The following GLOD5 variants were observed in gnomAD, a reference collection of about 807,000 sequenced individuals.
GLOD5 encodes the protein glyoxalase domain-containing protein 5.
In GLOD5, 7 loss-of-function variants were observed where a neutral mutation model predicts 9.9. The ratio of observed to expected loss-of-function variants is 0.71; its 90% CI spans 0.40 to 1.33. The LOEUF (loss-of-function observed/expected upper bound fraction) is 1.33. Ranked by LOEUF, GLOD5 falls within the 40% of genes most tolerant of loss-of-function variation. The pLI, the probability that GLOD5 is intolerant of heterozygous loss-of-function variation, is 0.01. For missense variants in GLOD5, 146 were observed against 128.4 expected, an observed-to-expected ratio of 1.14 and a Z score of -0.66; for synonymous variants, 49 against 47.3, an observed-to-expected ratio of 1.04 and a Z score of -0.14.
At chrX:48,771,495 T>C in intron 3 of GLOD5, among the ~76,000 whole-genome samples, 1 of 110,308 alleles carries the variant, frequency 9.1e-6, no homozygotes, top group African/African-American at 3.3e-5. Context: ...TTTGTAGTTT[T>C]AGTAGAGACA....
Position 48,773,388 on chromosome X carries a change from G to T in GLOD5, c.436G>T (p.Asp146Tyr), listed in dbSNP as rs781812556. ...GCCTATCATGTCCATCTACTTCCGA[G>T]ACCCCGACAGAAATCTGATTGAGGT... is the stretch of plus-strand genomic sequence containing the variant. The part of the protein sequence containing the change: ...KGPIMSIYFR[D>Y]PDRNLIEVSN... Residue 146 changes from aspartate to tyrosine, a missense_variant, in exon 4 of 4, where the codon GAC becomes TAC. Coordinates refer to ENST00000303227, the MANE Select transcript of GLOD5 (RefSeq NM_001080489.3). 8.3e-7 allele frequency: 1 copy of T among 1,209,906 alleles called. No homozygotes were observed. The highest frequency in any genetic ancestry group is 2.2e-5 in the Admixed American group (1 of 45,873).
intron 2 of GLOD5, among the ~76,000 whole-genome samples, chrX:48,770,223 C>G (rs2062618837): frequency 1.8e-5 from 2 of 109,987 alleles, no homozygotes; most frequent in African/African-American, 6.6e-5. Flanking sequence ...TGCGGTAAGC[C>G]AAAATGGTGC....
chrX:48,773,336 G>A lies in GLOD5; in HGVS notation c.384G>A (p.Gly128=). 3 of 1,210,054 alleles carry A rather than the reference G, an allele frequency of 2.5e-6. No homozygotes were observed. The highest frequency in any genetic ancestry group is 3.4e-6 in the Non-Finnish European group (3 of 894,119). Residue 128 remains glycine (G), a synonymous_variant, in exon 4 of 4, where the codon GGG becomes GGA. Coordinates refer to ENST00000303227, the MANE Select transcript of GLOD5 (RefSeq NM_001080489.3). ...LKACDVPIEE[G]PVPRTGAKGP... is the part of the protein sequence containing the mutation. ...CTTGTGATGTCCCTATTGAGGAGGG[G>A]CCAGTCCCCAGAACAGGGGCAAAAG... is the stretch of plus-strand genomic sequence containing the variant.
chrX:48,765,076 C>A (rs2062605423), intron 1 of GLOD5, among the ~76,000 whole-genome samples: 1 of 110,732 alleles, frequency 9.0e-6, no homozygotes, highest in African/African-American at 3.3e-5. Flanking sequence ...TTCTGAGATG[C>A]CCCCTTCTTG....
chrX:48,773,099 C>T (rs782230009), intron 3 of GLOD5, among the ~76,000 whole-genome samples: 70 of 109,567 alleles, frequency 6.4e-4, no homozygotes, highest in Admixed American at 2.5e-3. Context: ...TGGTGGCATG[C>T]GCCTGTAATC....
At chrX:48,765,371 A>T (rs1199556099) in intron 1 of GLOD5, among the ~76,000 whole-genome samples, 2 of 109,126 alleles carry the variant, frequency 1.8e-5, no homozygotes, top group Admixed American at 2.0e-4. Flanking sequence ...CAGGAGTTTG[A>T]GTTTAAGACC....
At chrX:48,769,247 C>G (rs1159927981) in intron 2 of GLOD5, among the ~76,000 whole-genome samples, 2 of 106,466 alleles carry the variant, frequency 1.9e-5, no homozygotes, top group East Asian at 6.0e-4. Context: ...CTCACGCCTG[C>G]AATCCCAACA....
At chrX:48,765,148 A>G (rs2062605644) in intron 1 of GLOD5, among the ~76,000 whole-genome samples, 1 of 110,644 alleles carries the variant, frequency 9.0e-6, no homozygotes, top group Non-Finnish European at 1.9e-5. Flanking sequence ...AAATTGGCCA[A>G]TTCACAGGAC....
At chrX:48,771,132 A>C in intron 3 of GLOD5, 50 bp downstream of exon 3, 2 of 1,023,266 alleles carry the variant, frequency 2.0e-6, no homozygotes, top group Non-Finnish European at 2.6e-6. Context: ...AACGCAGTGA[A>C]AACAGAAGAA....
intron 3 of GLOD5, among the ~76,000 whole-genome samples, chrX:48,772,009 GCA>G (rs1226723681): frequency 9.0e-6 from 1 of 111,338 alleles, no homozygotes; most frequent in African/African-American, 3.3e-5. Flanking sequence ...GGCTGAGGTG[GCA>G]GGATCATTTG....
intron 3 of GLOD5, among the ~76,000 whole-genome samples, chrX:48,772,826 C>G (rs2062625878): frequency 1.8e-5 from 2 of 110,097 alleles, no homozygotes; most frequent in African/African-American, 6.6e-5. Context: ...AGGTACTGTG[C>G]CCAAGGCCAT....
At chrX:48,767,291 G>A (rs183267622) in intron 2 of GLOD5, among the ~76,000 whole-genome samples, 1 of 111,524 alleles carries the variant, frequency 9.0e-6, no homozygotes, top group East Asian at 2.8e-4. Context: ...TGTATCAACT[G>A]TGGCACATCC....
chrX:48,770,300 T>TAAAC (rs1166361932), intron 2 of GLOD5, among the ~76,000 whole-genome samples: 29 of 111,067 alleles, frequency 2.6e-4, no homozygotes, highest in African/African-American at 8.2e-4. Flanking sequence ...AATAAATAAA[T>TAAAC]AAACAAACAA....
intron 1 of GLOD5, among the ~76,000 whole-genome samples, chrX:48,762,945 A>G (rs1180450255): frequency 8.9e-6 from 1 of 112,029 alleles, no homozygotes; most frequent in Non-Finnish European, 1.9e-5. Context: ...CCGAGTCTGC[A>G]AAGCAGGATC....
At chrX:48,771,422 TCTC>T (rs1292176181) in intron 3 of GLOD5, among the ~76,000 whole-genome samples, 3 of 108,943 alleles carry the variant, frequency 2.8e-5, no homozygotes, top group Non-Finnish European at 3.8e-5. Flanking sequence ...TTCAAGCGAT[TCTC>T]CTGCCTCAGC....
chrX:48,773,500 C>T lies in GLOD5; in HGVS notation c.*65C>T, dbSNP rs1265454705. ...GCCCTCTCCTTTCCTTCCTGCAAAC[C>T]CCCACCCAGGCCCAGAGATCTCCAA... On this transcript the variant is annotated 3_prime_UTR_variant, in exon 4 of 4. Transcript: ENST00000303227. The T allele has an allele frequency of 2.2e-5, 25 of 1,123,343 alleles. No homozygotes were observed. Among genetic ancestry groups the T allele is most frequent in the Non-Finnish European group, 2.9e-5 (24 of 828,417 alleles). 92.6% of individuals were successfully genotyped at this position (1,123,343 alleles called of 1,213,427 possible). A position where few individuals can be genotyped will look rare whatever the true frequency, so the allele number is the denominator to read the frequency against.
rs66661999 is a variant in GLOD5, at chrX:48,765,577, CAAAAAAAAA to C, written c.64-241_64-233del. The C allele has an allele frequency of 2.5e-4, 45 of 177,478 alleles. No individual in the cohort carries two copies. In the Middle Eastern group the frequency reaches 8.3e-3, roughly 33 times the overall value. The allele number at this position is 177,478 out of a possible 1,213,427, so 14.6% of individuals were successfully genotyped here. The stretch of plus-strand genomic sequence containing the variant: ...TGGGCAACAGAGTGAGACTCTGTCT[CAAAAAAAAA>C]AAAAAAAAAAAAAAAAGAAAAGGAA... On this transcript the variant is annotated intron_variant, in intron 1 of 3. Transcript: ENST00000303227.
At chrX:48,771,307 A>G (rs1262407680) in intron 3 of GLOD5, among the ~76,000 whole-genome samples, 1 of 109,706 alleles carries the variant, frequency 9.1e-6, no homozygotes, top group Non-Finnish European at 1.9e-5. Context: ...ACATTTATGC[A>G]CTGAAATACT....
At chrX:48,765,753 G>C (rs1297598151) in intron 1 of GLOD5, 82 bp from the exon 2 acceptor site, 2 of 1,036,425 alleles carry the variant, frequency 1.9e-6, no homozygotes, top group Non-Finnish European at 1.3e-6. Context: ...TAATTGGGGA[G>C]GTAGGGGGAG....
Sources: gnomAD v4.1 joint callset for allele counts (sites outside exome capture counted in the v4.1 genomes callset) on GRCh38, gnomAD v4.1.1 for gene constraint, MANE v1.5 for transcripts, NCBI Gene and HGNC (gene_info 2026-07-23, HGNC 2026-07-21) for gene names.